Variants in MRPL13 observed in about 807,000 individuals in gnomAD.
The protein encoded by MRPL13 is mitochondrial ribosomal protein L13.
Under a neutral mutation model 29.0 loss-of-function variants are expected in MRPL13, and 33 were observed. The observed-to-expected ratio is 1.14, with a 90% CI of 0.86 to 1.52. The LOEUF (loss-of-function observed/expected upper bound fraction) is 1.52, where lower values mean the gene tolerates loss of function less well. MRPL13 is among the 40% of genes most tolerant of loss of function. The pLI, the probability that MRPL13 is intolerant of heterozygous loss-of-function variation, is 0.00. For synonymous variants in MRPL13, 77 were observed against 68.4 expected, an observed-to-expected ratio of 1.13 and a Z score of -0.62; for missense variants, 227 against 216.7, an observed-to-expected ratio of 1.05 and a Z score of -0.30.
intron 2 of MRPL13, among the ~76,000 whole-genome samples, chr8:120,440,426 T>G (rs1813104493): frequency 6.6e-6 from 1 of 152,020 alleles, no homozygotes; most frequent in South Asian, 2.1e-4. Context: ...GGCAACATGG[T>G]GAAACCCTGT....
At chr8:120,441,734 T>A (rs1306278882) in intron 2 of MRPL13, among the ~76,000 whole-genome samples, 4 of 152,170 alleles carry the variant, frequency 2.6e-5, no homozygotes, top group African/African-American at 9.7e-5. Context: ...AATTTAAAAA[T>A]GCACTGAACA....
chr8:120,420,468 A>G (rs1168349537), intron 4 of MRPL13, among the ~76,000 whole-genome samples: 1 of 147,800 alleles, frequency 6.8e-6, no homozygotes, highest in Admixed American at 6.8e-5. Flanking sequence ...ATATATATAA[A>G]CATATATAAA....
chr8:120,417,699 T>C (rs997087291), intron 5 of MRPL13, among the ~76,000 whole-genome samples: 1 of 152,112 alleles, frequency 6.6e-6, no homozygotes, highest in African/African-American at 2.4e-5. Context: ...GCTCCATTAG[T>C]TTTTGAGTAT....
intron 6 of MRPL13, 85 bp from the exon 7 acceptor site, chr8:120,396,210 T>A: frequency 1.9e-6 from 2 of 1,043,658 alleles, no homozygotes; most frequent in East Asian, 5.3e-5. Context: ...CAATTTAAAA[T>A]AAAAATAACT....
intron 5 of MRPL13, among the ~76,000 whole-genome samples, chr8:120,416,267 G>A (rs1812801960): frequency 6.6e-6 from 1 of 152,130 alleles, no homozygotes; most frequent in Non-Finnish European, 1.5e-5. Flanking sequence ...GGCAGAGGCG[G>A]GTGGATCACG....
intron 2 of MRPL13, among the ~76,000 whole-genome samples, chr8:120,435,278 T>G (rs1028118169): frequency 6.6e-6 from 1 of 152,128 alleles, no homozygotes; most frequent in Non-Finnish European, 1.5e-5. Context: ...GTAAATTGCA[T>G]GTCATGGGGG....
intron 2 of MRPL13, among the ~76,000 whole-genome samples, chr8:120,432,445 C>T (rs559752220): frequency 2.0e-5 from 3 of 152,140 alleles, no homozygotes; most frequent in Admixed American, 6.6e-5. Context: ...AATAATTACA[C>T]TTCAGTAAAA....
At chr8:120,420,074 T>C (rs1174840369) in intron 4 of MRPL13, 136 bp from the exon 5 acceptor site, 4 of 453,708 alleles carry the variant, frequency 8.8e-6, no homozygotes, top group Non-Finnish European at 1.1e-5. Context: ...CCTAAGTGGA[T>C]ATGTGGAAGC....
chr8:120,402,583 G>T (rs988428445), intron 6 of MRPL13, among the ~76,000 whole-genome samples: 2 of 152,138 alleles, frequency 1.3e-5, no homozygotes, highest in African/African-American at 2.4e-5. Flanking sequence ...TCAGGACATA[G>T]GCATGGGCAG....
At chr8:120,439,168 G>A (rs1180605685) in intron 2 of MRPL13, among the ~76,000 whole-genome samples, 1 of 152,220 alleles carries the variant, frequency 6.6e-6, no homozygotes, top group African/African-American at 2.4e-5. Flanking sequence ...GGCTGAACAA[G>A]GTGATGCTCT....
At position 120,419,019 on chromosome 8, in the gene MRPL13, C is replaced by T. The variant is rs558366703; in HGVS notation, c.393+833G>A. On this transcript the variant is annotated intron_variant, in intron 5 of 6. Coordinates refer to ENST00000306185, the MANE Select transcript of MRPL13 (RefSeq NM_014078.6). ...TTTGGAATAAATTTCTACAGTATTC[C>T]TTCAGAAGGAACAAGAAGGACAATT... 2.0e-5 allele frequency among the ~76,000 whole-genome samples: 3 copies of T among 152,054 alleles called. No individual in the cohort carries two copies. The East Asian group carries it at 5.8e-4, about 29-fold the overall frequency.
rs141879192 is a variant in MRPL13, at chr8:120,396,121, C to T, written c.520G>A (p.Glu174Lys). The change falls in exon 7 of 7, where the codon GAA becomes AAA. Residue 174 changes from glutamate (E) to lysine (K), a missense_variant. Transcript: ENST00000306185. ...TTATTCTCTTATAGCCGATAATCTTCAGGTCTGAAAGAAAAAATCAACATA... is the reference window on the plus strand; with the variant it reads ...TTATTCTCTTATAGCCGATAATCTTTAGGTCTGAAAGAAAAAATCAACATA... ...DAFPRLWTPP[E>K]DYRL 1.0e-4 allele frequency: 158 copies of T among 1,584,822 alleles called. No homozygotes were observed. In the Middle Eastern group the frequency reaches 3.5e-3, roughly 35 times the overall value.
chr8:120,445,038 C>G (rs1283082234), intron 1 of MRPL13, 30 bp downstream of exon 1: 1 of 1,613,848 alleles, frequency 6.2e-7, no homozygotes, highest in South Asian at 1.1e-5. Flanking sequence ...GTATAATGAA[C>G]CCCATCAAGC....
intron 2 of MRPL13, among the ~76,000 whole-genome samples, chr8:120,432,507 T>C (rs901958369): frequency 1.3e-5 from 2 of 151,996 alleles, no homozygotes; most frequent in African/African-American, 4.8e-5. Flanking sequence ...CCCTGAAAAA[T>C]AGCCAAGAAA....
At chr8:120,432,500 T>C (rs2130480103) in intron 2 of MRPL13, among the ~76,000 whole-genome samples, 1 of 152,170 alleles carries the variant, frequency 6.6e-6, no homozygotes, top group East Asian at 1.9e-4. Context: ...AAAATTTCCC[T>C]GAAAAATAGC....
intron 3 of MRPL13, among the ~76,000 whole-genome samples, chr8:120,427,044 G>A (rs753798024): frequency 2.0e-5 from 3 of 151,950 alleles, no homozygotes; most frequent in Non-Finnish European, 4.4e-5. Context: ...GAATTTCTGA[G>A]ACTGGAAAAC....
intron 6 of MRPL13, among the ~76,000 whole-genome samples, chr8:120,402,278 G>C (rs755540641): frequency 6.6e-6 from 1 of 152,110 alleles, no homozygotes; most frequent in Non-Finnish European, 1.5e-5. Context: ...AACCAAAATC[G>C]TGTGGTACTG....
chr8:120,416,596 G>A (rs747544111), intron 5 of MRPL13, among the ~76,000 whole-genome samples: 59 of 152,144 alleles, frequency 3.9e-4, no homozygotes, highest in Non-Finnish European at 7.5e-4. Context: ...AACAGAAACA[G>A]GGGTCAAGTG....
Position 120,417,122 on chromosome 8 carries a change from G to A in MRPL13, c.393+2730C>T, listed in dbSNP as rs908138612. Among the ~76,000 whole-genome samples the A allele has an allele frequency of 3.3e-5, 5 of 152,092 alleles. No individual in the cohort carries two copies. In the South Asian group the frequency reaches 1.0e-3, roughly 32 times the overall value. ...TCCTTTTATTTGGATTTATACTATT[G>A]TTGTTCCATGATTACATTCAGGTTA... On this transcript the variant is annotated intron_variant, in intron 5 of 6. Coordinates refer to ENST00000306185, the MANE Select transcript of MRPL13 (RefSeq NM_014078.6).
Sources: gnomAD v4.1 joint callset for allele counts (sites outside exome capture counted in the v4.1 genomes callset) on GRCh38, gnomAD v4.1.1 for gene constraint, MANE v1.5 for transcripts, NCBI Gene and HGNC (gene_info 2026-07-23, HGNC 2026-07-21) for gene names.